PRKAR1B: variants seen among roughly 807,000 people sequenced by gnomAD.
PRKAR1B encodes cAMP-dependent protein kinase type I-beta regulatory subunit.
PRKAR1B carries 22 observed loss-of-function variants against 46.5 expected under a neutral mutation model. The observed-to-expected ratio is 0.47, with a 90% CI of 0.34 to 0.68. PRKAR1B has a LOEUF of 0.68. PRKAR1B is among the 30% of genes least tolerant of loss of function. The probability of loss-of-function intolerance (pLI) is 0.01; values close to 1 mark genes in which losing one functional copy is unlikely to be tolerated. For missense variants in PRKAR1B, 445 were observed against 535.6 expected, an observed-to-expected ratio of 0.83 and a Z score of 1.67; for synonymous variants, 259 against 217.7, an observed-to-expected ratio of 1.19 and a Z score of -1.67.
Position 715,412 on chromosome 7 carries a change from T to G in PRKAR1B, c.-22-3885A>C, listed in dbSNP as rs539693465. On this transcript the variant is annotated intron_variant, in intron 1 of 10. Coordinates refer to ENST00000537384, the MANE Select transcript of PRKAR1B (RefSeq NM_001164760.2). Reference sequence around the variant, plus strand: ...ATCGGACCACGTGGACCTCAACAGGTCGGTCGCCACCCTGCCACACGGTGA... The same window carrying G: ...ATCGGACCACGTGGACCTCAACAGGGCGGTCGCCACCCTGCCACACGGTGA... 6.7e-4 allele frequency among the ~76,000 whole-genome samples: 102 copies of G among 152,124 alleles called. 2 individuals are homozygous for G. In the Middle Eastern group the frequency reaches 0.014, roughly 20 times the overall value.
chr7:679,001 T>C (rs1454937160), intron 3 of PRKAR1B, among the ~76,000 whole-genome samples: 1 of 152,220 alleles, frequency 6.6e-6, no homozygotes, highest in African/African-American at 2.4e-5. Context: ...GACAGGAGAA[T>C]CACAGGAACC....
chr7:657,302 T>TG (rs1456521720), intron 4 of PRKAR1B, among the ~76,000 whole-genome samples: 2 of 151,874 alleles, frequency 1.3e-5, no homozygotes, highest in Non-Finnish European at 2.9e-5. Flanking sequence ...GATGGATGGA[T>TG]GAATGAATGA....
intron 9 of PRKAR1B, among the ~76,000 whole-genome samples, chr7:573,962 G>C (rs1022490199): frequency 1.3e-5 from 2 of 152,242 alleles, no homozygotes; most frequent in Admixed American, 6.5e-5. Flanking sequence ...TGTGCGTGGG[G>C]GGCTCCCAGG....
In PRKAR1B at chr7:589,753, G is replaced by A. The variant is rs1780874008; in HGVS notation, c.709-5185C>T. ...ACTCAGCATCTTATCTGCTCTGGAA[G>A]AACAGAAGTGGCATCCACAGAGCAC... On this transcript the variant is annotated intron_variant, in intron 7 of 10. Coordinates refer to ENST00000537384, the MANE Select transcript of PRKAR1B (RefSeq NM_001164760.2). 2.0e-5 allele frequency among the ~76,000 whole-genome samples: 3 copies of A among 152,252 alleles called. No individual in the cohort carries two copies. In the South Asian group the frequency reaches 6.2e-4, roughly 31 times the overall value.
Position 583,214 on chromosome 7 carries a change from C to T in PRKAR1B, c.769+1294G>A, listed in dbSNP as rs140146419. ...GGTCAAAACGGTCGGCGTGCTGTGA[C>T]GTGCATTTTACCACAATGGAAAGAC... On this transcript the variant is annotated intron_variant, in intron 8 of 10. Transcript: ENST00000537384. Among the ~76,000 whole-genome samples, 966 of 152,228 alleles carry T rather than the reference C, an allele frequency of 6.3e-3. 8 individuals are homozygous for T. Among genetic ancestry groups the T allele is most frequent in the Non-Finnish European group, 0.01 (690 of 67,990 alleles).
chr7:613,245 T>G (rs1782628057), intron 4 of PRKAR1B, among the ~76,000 whole-genome samples: 1 of 151,672 alleles, frequency 6.6e-6, no homozygotes, highest in Admixed American at 6.6e-5. Context: ...TCTTTTGTTT[T>G]TTTTTTTTTG....
chr7:561,268 G>A lies in PRKAR1B; in HGVS notation c.892-9798C>T, dbSNP rs547599214. ...TAGGCACAAACACACAGGCACACACGCCTGTGCACACACACACACACACAT... is the reference window on the plus strand; with the variant it reads ...TAGGCACAAACACACAGGCACACACACCTGTGCACACACACACACACACAT... On this transcript the variant is annotated intron_variant, in intron 9 of 10. Coordinates refer to ENST00000537384, the MANE Select transcript of PRKAR1B (RefSeq NM_001164760.2). Among the ~76,000 whole-genome samples, 11 of 150,550 alleles carry A rather than the reference G, an allele frequency of 7.3e-5. No individual in the cohort carries two copies. In the East Asian group the frequency reaches 1.6e-3, roughly 21 times the overall value.
Position 582,475 on chromosome 7 carries a change from T to A in PRKAR1B, c.769+2033A>T, listed in dbSNP as rs545198864. On this transcript the variant is annotated intron_variant, in intron 8 of 10. Coordinates refer to ENST00000537384, the MANE Select transcript of PRKAR1B (RefSeq NM_001164760.2). ...ATGCTGACTGGGCAGGAAAAGGGAA[T>A]CGTGCCTTGTGGTTACTCTTCTGGG... Among the ~76,000 whole-genome samples, 138 of 152,360 alleles carry A rather than the reference T, an allele frequency of 9.1e-4. 1 individual carries two copies. The highest frequency in any genetic ancestry group is 3.2e-3 in the African/African-American group (134 of 41,576).
chr7:721,979 A>G (rs943620313), intron 1 of PRKAR1B, among the ~76,000 whole-genome samples: 1 of 150,380 alleles, frequency 6.6e-6, no homozygotes, highest in Admixed American at 6.6e-5. Context: ...AGTTTCCAGG[A>G]GTTTAATTGT....
intron 7 of PRKAR1B, among the ~76,000 whole-genome samples, chr7:588,595 CGGT>C (rs1334963080): frequency 1.6e-3 from 37 of 23,866 alleles, no homozygotes; most frequent in African/African-American, 2.5e-3. Context: ...GTGGTGATGA[CGGT>C]GGTGATGGTG....
chr7:608,626 G>GC (rs1337670552), intron 4 of PRKAR1B: 1 of 54,036 alleles, frequency 1.9e-5, no homozygotes, highest in African/African-American at 5.3e-5. Context: ...TGTAGGGAGG[G>GC]CTGGGGGGCC....
At chr7:715,124 T>A (rs1220041879) in intron 1 of PRKAR1B, among the ~76,000 whole-genome samples, 4 of 152,134 alleles carry the variant, frequency 2.6e-5, no homozygotes, top group African/African-American at 9.7e-5. Context: ...TGAGCCCAGA[T>A]CGTACCACTG....
intron 4 of PRKAR1B, among the ~76,000 whole-genome samples, chr7:672,593 C>T (rs1363335383): frequency 6.6e-6 from 1 of 151,788 alleles, no homozygotes; most frequent in Non-Finnish European, 1.5e-5. Flanking sequence ...AATAGCCAGG[C>T]GCGATGGCTC....
chr7:632,081 G>A (rs540983968), intron 4 of PRKAR1B, among the ~76,000 whole-genome samples: 52 of 152,314 alleles, frequency 3.4e-4, no homozygotes, highest in African/African-American at 8.7e-4. Flanking sequence ...CCGAGCTCAC[G>A]TGTGAGCCAG....
At chr7:689,973 G>C (rs557576696) in intron 2 of PRKAR1B, among the ~76,000 whole-genome samples, 3 of 150,456 alleles carry the variant, frequency 2.0e-5, no homozygotes, top group African/African-American at 7.3e-5. Context: ...GAGCCACCGC[G>C]CCTGGCCGAG....
At chr7:550,855 G>A (rs1361016789) in intron 10 of PRKAR1B, among the ~76,000 whole-genome samples, 1 of 152,092 alleles carries the variant, frequency 6.6e-6, no homozygotes, top group Admixed American at 6.5e-5. Context: ...GGGCAATCCT[G>A]CAGGAATGCC....
rs1307322975 is a variant in PRKAR1B at position 666,405 on chromosome 7, C to T, written c.440+10824G>A. Among the ~76,000 whole-genome samples, 1 of 152,178 alleles carries T rather than the reference C, an allele frequency of 6.6e-6. No individual in the cohort carries two copies. Among genetic ancestry groups the T allele is most frequent in the East Asian group, 1.9e-4 (1 of 5,186 alleles). ...GAGGTCCCTGGCCGAGGCGTAACTG[C>T]CCCGGGCACCCCAGGTAGGATGCGG... is the stretch of plus-strand genomic sequence containing the variant. On this transcript the variant is annotated intron_variant, in intron 4 of 10. Coordinates refer to ENST00000537384, the MANE Select transcript of PRKAR1B (RefSeq NM_001164760.2). The surrounding 1 kb of genome is among the most constrained non-coding windows in gnomAD (Gnocchi z 4.9).
intron 4 of PRKAR1B, among the ~76,000 whole-genome samples, chr7:630,294 C>G (rs1379445487): frequency 1.3e-5 from 2 of 152,212 alleles, no homozygotes; most frequent in Non-Finnish European, 2.9e-5. Context: ...CTCGGCCAGC[C>G]CCATCGGAGA....
chr7:611,890 G>C (rs1050492153), intron 4 of PRKAR1B, among the ~76,000 whole-genome samples: 9 of 151,880 alleles, frequency 5.9e-5, no homozygotes, highest in African/African-American at 2.2e-4. Flanking sequence ...CAGGTGGGTG[G>C]ATGAACAGGT....
Sources: gnomAD v4.1 joint callset for allele counts (sites outside exome capture counted in the v4.1 genomes callset) on GRCh38, gnomAD v4.1.1 for gene constraint, Gnocchi (gnomAD v3.1) non-coding constraint, MANE v1.5 for transcripts, NCBI Gene and HGNC (gene_info 2026-07-23, HGNC 2026-07-21) for gene names.